The following SAMD4A variants were observed in gnomAD, a reference collection of about 807,000 sequenced individuals.
The protein encoded by SAMD4A is sterile alpha motif domain containing 4A.
A neutral mutation model predicts 81.3 loss-of-function variants in SAMD4A; 33 were observed. The observed-to-expected ratio is 0.41, with a 90% CI of 0.31 to 0.54. The LOEUF is 0.54. Among genes scored for constraint, SAMD4A ranks in the 20% least tolerant of loss-of-function variants. The pLI is 0.37. For missense variants in SAMD4A, 854 were observed against 951.1 expected (o/e 0.90, Z 1.34); for synonymous variants, 389 against 382.1 (o/e 1.02, Z -0.21).
chr14:54,689,431 C>G (rs551532257), intron 2 of SAMD4A, among the ~76,000 whole-genome samples: 1 of 152,104 alleles, frequency 6.6e-6, no homozygotes, highest in African/African-American at 2.4e-5. Context: ...TGGTCCCATG[C>G]TTTACAAAGA....
At chr14:54,632,828 T>A (rs2140344613) in intron 2 of SAMD4A, among the ~76,000 whole-genome samples, 1 of 152,356 alleles carries the variant, frequency 6.6e-6, no homozygotes, top group African/African-American at 2.4e-5. Flanking sequence ...TAACAGTACT[T>A]AACTCATAAG....
At chr14:54,620,918 C>G (rs529568519) in intron 2 of SAMD4A, among the ~76,000 whole-genome samples, 2 of 152,290 alleles carry the variant, frequency 1.3e-5, no homozygotes, top group African/African-American at 2.4e-5. Flanking sequence ...CACCACCATG[C>G]TGGCTGATTT....
intron 2 of SAMD4A, chr14:54,694,621 T>C: frequency 2.0e-6 from 2 of 985,570 alleles, no homozygotes; most frequent in Non-Finnish European, 2.4e-6. Context: ...GTCTGCATAC[T>C]CATGGGCCAG....
chr14:54,578,627 G>A (rs2033376235), intron 2 of SAMD4A, among the ~76,000 whole-genome samples: 1 of 152,070 alleles, frequency 6.6e-6, no homozygotes, highest in African/African-American at 2.4e-5. Context: ...CAGGAGAATT[G>A]CTTGAACCGA....
At chr14:54,580,838 G>C (rs777792366) in intron 2 of SAMD4A, among the ~76,000 whole-genome samples, 1 of 152,174 alleles carries the variant, frequency 6.6e-6, no homozygotes, top group Admixed American at 6.5e-5. Flanking sequence ...ATCTCAGAAC[G>C]TTTTCGTTGA....
intron 2 of SAMD4A, chr14:54,668,798 A>T (rs2035810952): frequency 6.6e-6 from 1 of 152,244 alleles, no homozygotes; most frequent in African/African-American, 2.4e-5. Context: ...ACAGGTGAGG[A>T]GACCGAGGCA....
At chr14:54,597,169 A>C (rs944826335) in intron 2 of SAMD4A, among the ~76,000 whole-genome samples, 1 of 151,664 alleles carries the variant, frequency 6.6e-6, no homozygotes. Context: ...ATGTGGGTAC[A>C]ATCTGCTTAG....
intron 2 of SAMD4A, among the ~76,000 whole-genome samples, chr14:54,698,000 T>A (rs868239729): frequency 6.6e-6 from 1 of 152,208 alleles, no homozygotes; most frequent in Non-Finnish European, 1.5e-5. Flanking sequence ...GAGGCCATAA[T>A]GCCTTTTATA....
chr14:54,789,065 C>T lies in SAMD4A; in HGVS notation c.*121C>T. 2 of 1,106,252 alleles carry T rather than the reference C, an allele frequency of 1.8e-6. No homozygotes were observed. The highest frequency in any genetic ancestry group is 2.7e-6 in the Non-Finnish European group (2 of 729,240). The allele number at this position is 1,106,252 out of a possible 1,614,324, so 68.5% of individuals were successfully genotyped here. On this transcript the variant is annotated 3_prime_UTR_variant, in exon 13 of 13. Coordinates refer to ENST00000554335, the MANE Select transcript of SAMD4A (RefSeq NM_015589.6). ...CTTTGCAGCCTTTTTTCCCCCTGGTCCCTCTCCCGTTTTGATTTTGTGAGA... is the reference window on the plus strand; with the variant it reads ...CTTTGCAGCCTTTTTTCCCCCTGGTTCCTCTCCCGTTTTGATTTTGTGAGA...
intron 2 of SAMD4A, among the ~76,000 whole-genome samples, chr14:54,699,008 G>A (rs1224488127): frequency 6.6e-6 from 1 of 151,918 alleles, no homozygotes; most frequent in African/African-American, 2.4e-5. Context: ...AAGCTAGGGA[G>A]TTCCTCAGCC....
intron 2 of SAMD4A, chr14:54,681,875 T>C: frequency 2.7e-5 from 27 of 985,458 alleles, no homozygotes; most frequent in Non-Finnish European, 3.3e-5. Flanking sequence ...AAGTAAGCTG[T>C]GACAGACCAC....
intron 2 of SAMD4A, among the ~76,000 whole-genome samples, chr14:54,609,135 A>G (rs1230290602): frequency 2.6e-5 from 4 of 152,202 alleles, no homozygotes; most frequent in African/African-American, 7.2e-5. Flanking sequence ...TTCTTGGTTG[A>G]GTTTAAAATA....
intron 3 of SAMD4A, among the ~76,000 whole-genome samples, chr14:54,723,820 G>A (rs932396348): frequency 2.1e-4 from 32 of 152,194 alleles, no homozygotes; most frequent in Admixed American, 2.1e-3. Context: ...GATGCTCACT[G>A]TTCATTACAT....
intron 12 of SAMD4A, among the ~76,000 whole-genome samples, chr14:54,787,518 T>C (rs1188937431): frequency 6.6e-6 from 1 of 152,104 alleles, no homozygotes; most frequent in African/African-American, 2.4e-5. Flanking sequence ...ACACTGCCAC[T>C]CCCTTCTCAC....
intron 3 of SAMD4A, among the ~76,000 whole-genome samples, chr14:54,715,374 A>T (rs780244035): frequency 6.6e-6 from 1 of 152,064 alleles, no homozygotes; most frequent in Non-Finnish European, 1.5e-5. Context: ...GCTGCTGATG[A>T]GTCGATAGTA....
At chr14:54,659,663 A>T (rs1251904482) in intron 2 of SAMD4A, among the ~76,000 whole-genome samples, 1 of 152,196 alleles carries the variant, frequency 6.6e-6, no homozygotes, top group Non-Finnish European at 1.5e-5. Context: ...CCCCAACCTC[A>T]GGTGCTGATA....
intron 2 of SAMD4A, among the ~76,000 whole-genome samples, chr14:54,700,870 GACAA>G (rs1365148738): frequency 6.6e-6 from 1 of 152,056 alleles, no homozygotes; most frequent in African/African-American, 2.4e-5. Context: ...GTCACAAAAG[GACAA>G]ACACTGTATG....
At chr14:54,598,117 A>G (rs1420934225) in intron 2 of SAMD4A, among the ~76,000 whole-genome samples, 2 of 152,220 alleles carry the variant, frequency 1.3e-5, no homozygotes, top group Admixed American at 6.5e-5. Flanking sequence ...TAGACTAACT[A>G]GAAGGTTTTA....
At chr14:54,647,633 G>C (rs1409235917) in intron 2 of SAMD4A, among the ~76,000 whole-genome samples, 1 of 152,166 alleles carries the variant, frequency 6.6e-6, no homozygotes, top group Non-Finnish European at 1.5e-5. Flanking sequence ...TTTATGAAAG[G>C]GAAGTCATGT....
Sources: gnomAD v4.1 joint callset for allele counts (sites outside exome capture counted in the v4.1 genomes callset) on GRCh38, gnomAD v4.1.1 for gene constraint, MANE v1.5 for transcripts, NCBI Gene and HGNC (gene_info 2026-07-23, HGNC 2026-07-21) for gene names.